Variants in TSPOAP1 observed in about 807,000 individuals in gnomAD.
TSPOAP1 encodes the protein TSPO associated protein 1, also known as peripheral-type benzodiazepine receptor-associated protein 1.
A neutral mutation model predicts 197.0 loss-of-function variants in TSPOAP1; 87 were observed. The observed-to-expected ratio is 0.44, with a 90% CI of 0.37 to 0.53. The LOEUF is 0.53. Ranked by LOEUF, TSPOAP1 falls within the 20% of genes least tolerant of loss-of-function variation. The probability of loss-of-function intolerance (pLI) is 0.00; values close to 1 mark genes in which losing one functional copy is unlikely to be tolerated. For missense variants in TSPOAP1, 2,174 were observed against 2,411.3 expected (o/e 0.90, Z 2.06); for synonymous variants, 913 against 998.9 (o/e 0.91, Z 1.62).
Position 58,326,358 on chromosome 17 carries a change from G to A in TSPOAP1, c.505C>T (p.Leu169=), listed in dbSNP as rs747577603. ...TCCAGGCGCTTGGCAATGACCGCCAGCTCGGCGTTCTTCCTCTTCAGCCTC... is the reference window on the plus strand; with the variant it reads ...TCCAGGCGCTTGGCAATGACCGCCAACTCGGCGTTCTTCCTCTTCAGCCTC... ...VRRLKRKNAE[L]AVIAKRLEER... The change falls in exon 3 of 32, where the codon CTG becomes TTG. Residue 169 remains leucine, a synonymous_variant. Coordinates refer to ENST00000343736, the MANE Select transcript of TSPOAP1 (RefSeq NM_004758.4). The surrounding 1 kb of genome is among the most constrained non-coding windows in gnomAD (Gnocchi z 4.7). The A allele has an allele frequency of 2.5e-6, 4 of 1,614,046 alleles. No homozygotes were observed. In the Admixed American group the frequency reaches 6.7e-5, roughly 27 times the overall value.
Position 58,304,881 on chromosome 17 carries a change from TG to T in TSPOAP1, c.5544+179del. 2.9e-6 allele frequency: 2 copies of T among 699,638 alleles called. No individual in the cohort carries two copies. 43.3% of individuals were successfully genotyped at this position (699,638 alleles called of 1,614,324 possible). Reference sequence around the variant, plus strand: ...TCCCTCTGCAGAGAGGGGCACATACTGGGGGGCAGCTGCTTGGTGGGGCTCC... The same window carrying T: ...TCCCTCTGCAGAGAGGGGCACATACTGGGGGCAGCTGCTTGGTGGGGCTCC... On this transcript the variant is annotated intron_variant, in intron 30 of 31. Transcript: ENST00000343736. This position sits in a 1 kb window ranked among gnomAD's most constrained non-coding sequence, Gnocchi z 4.2.
At position 58,326,594 on chromosome 17, in the gene TSPOAP1, C is replaced by T. The variant is rs1211260092; in HGVS notation, c.441+89G>A. 3 of 1,545,106 alleles carry T rather than the reference C, an allele frequency of 1.9e-6. No individual in the cohort carries two copies. Among genetic ancestry groups the T allele is most frequent in the African/African-American group, 2.7e-5 (2 of 73,230 alleles). ...TTTTGTCACCTCCATTGAGCCCCCA[C>T]TTGGAAAGATGTTCATGGGGTGAGG... On this transcript the variant is annotated intron_variant, in intron 2 of 31. Coordinates refer to ENST00000343736, the MANE Select transcript of TSPOAP1 (RefSeq NM_004758.4). This position sits in a 1 kb window ranked among gnomAD's most constrained non-coding sequence, Gnocchi z 4.7.
intron 4 of TSPOAP1, 46 bp downstream of exon 4, chr17:58,325,488 C>A: frequency 1.2e-6 from 2 of 1,607,434 alleles, no homozygotes; most frequent in Non-Finnish European, 1.7e-6. Flanking sequence ...GGCAGATGGC[C>A]CTGTGCAGGG....
In TSPOAP1 at chr17:58,301,702, C is replaced by A; in HGVS notation, c.*778G>T. On this transcript the variant is annotated 3_prime_UTR_variant, in exon 32 of 32. Transcript: ENST00000343736. ...TGGCTTGGCCTTTCTCCTTCCTGGG[C>A]CTGTGCAGTGGAAGCGAGGTGGAGG... The A allele has an allele frequency of 6.5e-6, 1 of 153,176 alleles. No individual in the cohort carries two copies. Among genetic ancestry groups the A allele is most frequent in the Non-Finnish European group, 1.5e-5 (1 of 68,424 alleles). 9.5% of individuals were successfully genotyped at this position (153,176 alleles called of 1,614,324 possible). A position where few individuals can be genotyped will look rare whatever the true frequency, so the allele number is the denominator to read the frequency against.
intron 14 of TSPOAP1, 144 bp downstream of exon 14, chr17:58,318,136 G>T: frequency 9.6e-7 from 1 of 1,036,516 alleles, no homozygotes; most frequent in Non-Finnish European, 1.4e-6. Flanking sequence ...CCCACAGGAG[G>T]AATCCACAGG....
At chr17:58,320,258 T>C in intron 11 of TSPOAP1, 129 bp from the exon 12 acceptor site, 1 of 1,163,646 alleles carries the variant, frequency 8.6e-7, no homozygotes. Context: ...TGACTAGCAG[T>C]TCCTAAATGG....
chr17:58,318,286 T>G lies in TSPOAP1; in HGVS notation c.1866A>C (p.Thr622=). ...GCCCCACCCCAGCAATTACCTCAGG[T>G]GTAGGGCATGACTTGGGGCTGTTGT... The part of the protein sequence containing the change: ...SIHNSPKSCP[T]PEVDTASEVE... Residue 622 remains threonine, a synonymous_variant, in exon 14 of 32, where the codon ACA becomes ACC. Coordinates refer to ENST00000343736, the MANE Select transcript of TSPOAP1 (RefSeq NM_004758.4). 1 of 1,614,018 alleles carries G rather than the reference T, an allele frequency of 6.2e-7. No homozygotes were observed. Among genetic ancestry groups the G allele is most frequent in the Non-Finnish European group, 8.5e-7 (1 of 1,179,932 alleles).
chr17:58,308,705 C>T lies in TSPOAP1; in HGVS notation c.4567G>A (p.Gly1523Arg). The change falls in exon 22 of 32, where the codon GGA (glycine) becomes AGA (arginine). Residue 1523 changes from glycine to arginine, a missense_variant. Gly to Arg is a moderately radical substitution (Grantham distance 125). This residue lies in a region of TSPOAP1 where 1,933 missense variants were observed against 2,139.0 expected (regional missense o/e 0.90). Coordinates refer to ENST00000343736, the MANE Select transcript of TSPOAP1 (RefSeq NM_004758.4). Reference protein sequence around the residue: ...GISITSSCYPGDGEAWGTATV... With the variant: ...GISITSSCYPRDGEAWGTATV... ...GCTGTGCCCCAGGCCTCCCCATCTC[C>T]AGGGTAGCAGGAGCTGGTGATGCTG... 1 of 1,613,004 alleles carries T rather than the reference C, an allele frequency of 6.2e-7. No individual in the cohort carries two copies. Among genetic ancestry groups the T allele is most frequent in the Non-Finnish European group, 8.5e-7 (1 of 1,179,952 alleles).
rs973548736 is a variant in TSPOAP1 at position 58,322,230 on chromosome 17, A to C, written c.1422+78T>G. ...CGACGCCTAGCACAGTGCCGGGCAC[A>C]CAGTAAATGCTTGTGGAATGAGTGA... On this transcript the variant is annotated intron_variant, in intron 10 of 31. Coordinates refer to ENST00000343736, the MANE Select transcript of TSPOAP1 (RefSeq NM_004758.4). The surrounding 1 kb of genome is among the most constrained non-coding windows in gnomAD (Gnocchi z 5.0). 4.9e-6 allele frequency: 7 copies of C among 1,426,636 alleles called. No homozygotes were observed. The highest frequency in any genetic ancestry group is 1.4e-5 in the African/African-American group (1 of 71,514). The allele number at this position is 1,426,636 out of a possible 1,614,324, so 88.4% of individuals were successfully genotyped here.
In TSPOAP1 at chr17:58,312,381, G is replaced by A; in HGVS notation, c.2440C>T (p.Pro814Ser). ...CCGTGTAGCTCCACTTGCTCAGGAG[G>A]CGGCTCCCAGGCCAGCACCACGCTG... is the stretch of plus-strand genomic sequence containing the variant. ...AHSVVLAWEP[P>S]PEQVELHGFH... The change falls in exon 17 of 32, where the codon CCT (proline) becomes TCT (serine). Residue 814 changes from proline (P) to serine (S), a missense_variant. This residue lies in a region of TSPOAP1 where 1,933 missense variants were observed against 2,139.0 expected (regional missense o/e 0.90). Transcript: ENST00000343736. The A allele has an allele frequency of 3.1e-6, 5 of 1,612,074 alleles. No homozygotes were observed. Among genetic ancestry groups the A allele is most frequent in the Non-Finnish European group, 4.2e-6 (5 of 1,179,252 alleles).
chr17:58,310,173 G>T lies in TSPOAP1; in HGVS notation c.3700-15C>A. ...GTGTCCTCCTTCTGCAAGAAGTGAGGCAAGGCAGGAGAGATAAGGACAGTG... is the reference window on the plus strand; with the variant it reads ...GTGTCCTCCTTCTGCAAGAAGTGAGTCAAGGCAGGAGAGATAAGGACAGTG... On this transcript the variant is annotated splice_polypyrimidine_tract_variant and intron_variant, in intron 20 of 31. Transcript: ENST00000343736. 1.2e-6 allele frequency: 2 copies of T among 1,608,990 alleles called. No individual in the cohort carries two copies. Among genetic ancestry groups the T allele is most frequent in the Non-Finnish European group, 8.5e-7 (1 of 1,178,378 alleles).
In TSPOAP1 at chr17:58,316,404, C is replaced by CA. The variant is rs1292385123; in HGVS notation, c.1988+20dup. 2.5e-6 allele frequency: 4 copies of CA among 1,591,086 alleles called. No homozygotes were observed. In the African/African-American group the frequency reaches 5.4e-5, roughly 21 times the overall value. ...CAAATGCTGGGGCTGGGCTAGGGGG[C>CA]AGTGAGGGTGAGGGACCCACCTATA... On this transcript the variant is annotated intron_variant, in intron 15 of 31. Coordinates refer to ENST00000343736, the MANE Select transcript of TSPOAP1 (RefSeq NM_004758.4).
chr17:58,318,348 C>G lies in TSPOAP1; in HGVS notation c.1804G>C (p.Glu602Gln), dbSNP rs1215030834. ...GVPRRTAKKAESLSNSSHSES... is the reference protein window; with the variant it reads ...GVPRRTAKKAQSLSNSSHSES... ...GAGTGGGAGGAGTTGGAGAGAGACT[C>G]TGCCTTCTTGGCTGTCCTTCGAGGG... The change falls in exon 14 of 32, where the codon GAG (glutamate) becomes CAG (glutamine). Residue 602 changes from glutamate (E) to glutamine (Q), a missense_variant. Glu to Gln is a conservative substitution (Grantham distance 29). Coordinates refer to ENST00000343736, the MANE Select transcript of TSPOAP1 (RefSeq NM_004758.4). 8 of 1,614,210 alleles carry G rather than the reference C, an allele frequency of 5.0e-6. No homozygotes were observed. The highest frequency in any genetic ancestry group is 6.8e-6 in the Non-Finnish European group (8 of 1,180,008).
Position 58,322,366 on chromosome 17 carries a change from T to C in TSPOAP1, c.1364A>G (p.His455Arg), listed in dbSNP as rs1425581548. 3 of 1,606,104 alleles carry C rather than the reference T, an allele frequency of 1.9e-6. No individual in the cohort carries two copies. In the Admixed American group the frequency reaches 5.0e-5, roughly 27 times the overall value. Residue 455 changes from histidine (H) to arginine (R), a missense_variant, in exon 10 of 32, where the codon CAT (histidine) becomes CGT (arginine). By Grantham distance (29) the His-to-Arg change is conservative. This residue lies in a region of TSPOAP1 where 1,933 missense variants were observed against 2,139.0 expected (regional missense o/e 0.90). Coordinates refer to ENST00000343736, the MANE Select transcript of TSPOAP1 (RefSeq NM_004758.4). This position sits in a 1 kb window ranked among gnomAD's most constrained non-coding sequence, Gnocchi z 5.0. ...CCGTAGGCTGAGCCGAGCCTGTTCA[T>C]GCTCCACCTCCAGCTGCTGCCGCCG... is the stretch of plus-strand genomic sequence containing the variant. ...AQRRQQLEVE[H>R]EQARLSLREK...
At position 58,322,472 on chromosome 17, in the gene TSPOAP1, C is replaced by A; in HGVS notation, c.1318-60G>T. 1 of 1,582,088 alleles carries A rather than the reference C, an allele frequency of 6.3e-7. No homozygotes were observed. The highest frequency in any genetic ancestry group is 1.7e-5 in the Admixed American group (1 of 57,892). On this transcript the variant is annotated intron_variant, in intron 9 of 31. Coordinates refer to ENST00000343736, the MANE Select transcript of TSPOAP1 (RefSeq NM_004758.4). This position sits in a 1 kb window ranked among gnomAD's most constrained non-coding sequence, Gnocchi z 5.0. ...CTACTTGGCCATTTCTAGAGAAGAT[C>A]TAAGATGAGGAAGCCTCAAACACCA...
chr17:58,312,043 AC>A lies in TSPOAP1; in HGVS notation c.2777del (p.Ser926IlefsTer71). The part of the protein sequence containing the change: ...NGEECPPASP[S>X]TYWATFCHLR... ...AGTGGCAGAAGGTGGCCCAGTAGGT[AC>A]TGGGGCTGGCAGGTGGGCACTCTTC... is the stretch of plus-strand genomic sequence containing the variant. On this transcript the variant is annotated frameshift_variant, in exon 17 of 32. Coordinates refer to ENST00000343736, the MANE Select transcript of TSPOAP1 (RefSeq NM_004758.4). LOFTEE classifies it high-confidence loss of function. 1 of 1,613,486 alleles carries A rather than the reference AC, an allele frequency of 6.2e-7. No homozygotes were observed. The highest frequency in any genetic ancestry group is 8.5e-7 in the Non-Finnish European group (1 of 1,179,940).
intron 31 of TSPOAP1, chr17:58,302,905 A>C (rs1311510379): frequency 6.5e-6 from 1 of 152,946 alleles, no homozygotes; most frequent in Non-Finnish European, 1.5e-5. Flanking sequence ...TCATAGACAG[A>C]AAGAGCGTCT....
In TSPOAP1 at chr17:58,309,027, G is replaced by A; in HGVS notation, c.4245C>T (p.Pro1415=). ...RRRGGGSPEK[P]PSRRRPPDPR... ...GATCTGGAGGCCGCCTGCGGCTTGG[G>A]GGCTTCTCAGGGGAGCCCCCTCCTC... The change falls in exon 22 of 32, where the codon CCC becomes CCT. Residue 1415 remains proline, a synonymous_variant. Coordinates refer to ENST00000343736, the MANE Select transcript of TSPOAP1 (RefSeq NM_004758.4). The surrounding 1 kb of genome is among the most constrained non-coding windows in gnomAD (Gnocchi z 5.0). 1 of 1,611,058 alleles carries A rather than the reference G, an allele frequency of 6.2e-7. No individual in the cohort carries two copies.
chr17:58,312,532 G>A lies in TSPOAP1; in HGVS notation c.2289C>T (p.Ser763=). 2 of 1,603,310 alleles carry A rather than the reference G, an allele frequency of 1.2e-6. No homozygotes were observed. The highest frequency in any genetic ancestry group is 8.5e-7 in the Non-Finnish European group (1 of 1,174,740). Residue 763 remains serine (S), a synonymous_variant, in exon 17 of 32, where the codon AGC becomes AGT. Coordinates refer to ENST00000343736, the MANE Select transcript of TSPOAP1 (RefSeq NM_004758.4). ...CATCCTCCTCCTCAGGTCTGGGCTG[G>A]CTCCTTCCCACACTGCTTTGGCCCC... is the stretch of plus-strand genomic sequence containing the variant. ...SSGGQSSVGR[S]QPRPEEEDAG... is the part of the protein sequence containing the mutation.
Sources: allele counts gnomAD v4.1 joint callset, GRCh38; gene constraint gnomAD v4.1.1; regional missense constraint gnomAD v4.1.1; non-coding constraint Gnocchi (gnomAD v3.1); transcripts MANE v1.5; gene names NCBI Gene and HGNC (gene_info 2026-07-23, HGNC 2026-07-21).